CSGALNACT1: variants seen among roughly 807,000 people sequenced by gnomAD.
The protein encoded by CSGALNACT1 is beta4GalNAcT-1.
CSGALNACT1 carries 52 observed loss-of-function variants against 51.0 expected under a neutral mutation model. That is an observed-to-expected ratio of 1.02 (90% CI 0.82 to 1.29). CSGALNACT1 has a LOEUF of 1.29. Ranked by LOEUF, CSGALNACT1 falls within the 50% of genes most tolerant of loss-of-function variation. CSGALNACT1 has a pLI of 0.00. For synonymous variants in CSGALNACT1, 341 were observed against 254.4 expected (o/e 1.34, Z -3.24); for missense variants, 935 against 679.2 (o/e 1.38, Z -4.19).
At chr8:19,613,846 A>C (rs1276294133) in intron 1 of CSGALNACT1, among the ~76,000 whole-genome samples, 1 of 152,112 alleles carries the variant, frequency 6.6e-6, no homozygotes, top group East Asian at 1.9e-4. Context: ...GGCTGTATTT[A>C]TTTTAGGGTG....
At chr8:19,468,429 CAGGTGCAAA>C (rs1586683679) in intron 4 of CSGALNACT1, among the ~76,000 whole-genome samples, 1 of 152,140 alleles carries the variant, frequency 6.6e-6, no homozygotes, top group East Asian at 1.9e-4. Context: ...GTCACCTTCA[CAGGTGCAAA>C]CCTGTCCTAG....
At chr8:19,443,970 C>G (rs2061722703) in intron 5 of CSGALNACT1, among the ~76,000 whole-genome samples, 1 of 152,152 alleles carries the variant, frequency 6.6e-6, no homozygotes, top group Non-Finnish European at 1.5e-5. Context: ...GAACACACAA[C>G]CTAGATCCCT....
At chr8:19,486,065 T>C (rs1383563086) in intron 4 of CSGALNACT1, among the ~76,000 whole-genome samples, 1 of 151,748 alleles carries the variant, frequency 6.6e-6, no homozygotes, top group Non-Finnish European at 1.5e-5. Context: ...CGTACTCAGC[T>C]GCCACTTAAG....
At chr8:19,575,286 G>A (rs994345856) in intron 3 of CSGALNACT1, among the ~76,000 whole-genome samples, 1 of 152,086 alleles carries the variant, frequency 6.6e-6, no homozygotes, top group Non-Finnish European at 1.5e-5. Context: ...TTTTCCTCCT[G>A]GGAAGTTAGC....
exon 4 of CSGALNACT1, chr8:19,505,337 G>T: frequency 6.2e-7 from 1 of 1,614,182 alleles, no homozygotes; most frequent in Non-Finnish European, 8.5e-7. Flanking sequence ...TCTCCTCGGG[G>T]TGGCGGGTAA....
chr8:19,738,858 C>T (rs35174554), intron 1 of CSGALNACT1, among the ~76,000 whole-genome samples: 25,204 of 151,808 alleles, frequency 0.17, 2,223 homozygotes, highest in Middle Eastern at 0.31. Context: ...ATATAAGTAA[C>T]GTTGATAGAA....
intron 2 of CSGALNACT1, among the ~76,000 whole-genome samples, chr8:19,594,815 G>A (rs2048562762): frequency 6.6e-6 from 1 of 151,972 alleles, no homozygotes; most frequent in Non-Finnish European, 1.5e-5. Context: ...GCCTTCCACA[G>A]TGCAGGGATT....
At position 19,499,264 on chromosome 8, in the gene CSGALNACT1, T is replaced by C. The variant is rs561346477; in HGVS notation, c.634+5937A>G. Among the ~76,000 whole-genome samples, 4 of 152,318 alleles carry C rather than the reference T, an allele frequency of 2.6e-5. No individual in the cohort carries two copies. The South Asian group carries it at 8.3e-4, about 32-fold the overall frequency. On this transcript the variant is annotated intron_variant, in intron 4 of 9. Transcript: ENST00000454498. ...AGTCACAAAATCTCCAAGGCTTATC[T>C]CTATCATGGCATTTACCATATGCTG...
intron 1 of CSGALNACT1, among the ~76,000 whole-genome samples, chr8:19,695,165 T>C (rs1488257689): frequency 6.6e-6 from 1 of 152,154 alleles, no homozygotes; most frequent in African/African-American, 2.4e-5. Context: ...ATTCAATATA[T>C]TTTCACAGTG....
chr8:19,550,064 TG>T lies in CSGALNACT1; in HGVS notation c.-297+41095del, dbSNP rs374346617. Among the ~76,000 whole-genome samples, 18 of 152,322 alleles carry T rather than the reference TG, an allele frequency of 1.2e-4. 1 individual carries two copies. The highest frequency in any genetic ancestry group is 4.3e-4 in the African/African-American group (18 of 41,578). On this transcript the variant is annotated intron_variant, in intron 3 of 9. Coordinates refer to ENST00000454498, the Ensembl canonical transcript of CSGALNACT1. ...GGGCACTTAATGTACTCTTTCCACA[TG>T]GAAATTCATATTTTTCAATTCTGTA...
At chr8:19,468,177 G>GTT (rs78846236) in intron 4 of CSGALNACT1, among the ~76,000 whole-genome samples, 21,592 of 151,870 alleles carry the variant, frequency 0.14, 1,612 homozygotes, top group East Asian at 0.16. Flanking sequence ...GATAGCAGAT[G>GTT]TTTTTTTACC....
chr8:19,685,579 TC>T (rs2060927153), upstream of CSGALNACT1, among the ~76,000 whole-genome samples: 2 of 152,218 alleles, frequency 1.3e-5, no homozygotes, highest in African/African-American at 4.8e-5. Context: ...GTTACATGGT[TC>T]TTTAAAAGGA....
chr8:19,746,666 A>C (rs1201353219), intron 1 of CSGALNACT1, among the ~76,000 whole-genome samples: 1 of 152,208 alleles, frequency 6.6e-6, no homozygotes, highest in Non-Finnish European at 1.5e-5. Context: ...TTTGCTAATC[A>C]TTGGTTCTCT....
chr8:19,417,793 C>T (rs562704956), intron 8 of CSGALNACT1, among the ~76,000 whole-genome samples: 99 of 152,298 alleles, frequency 6.5e-4, no homozygotes, highest in African/African-American at 2.3e-3. Context: ...GAAAAAATCA[C>T]AGCCCAACTT....
intron 1 of CSGALNACT1, among the ~76,000 whole-genome samples, chr8:19,636,412 G>A (rs1277406973): frequency 6.6e-6 from 1 of 151,572 alleles, no homozygotes; most frequent in African/African-American, 2.4e-5. Flanking sequence ...TATCCCTTGT[G>A]TTTAAGAGGA....
chr8:19,617,107 C>T (rs1272222489), intron 1 of CSGALNACT1, among the ~76,000 whole-genome samples: 1 of 152,204 alleles, frequency 6.6e-6, no homozygotes, highest in Non-Finnish European at 1.5e-5. Context: ...GACAGATCAT[C>T]AGGCATTACA....
chr8:19,417,889 C>T (rs936831998), intron 8 of CSGALNACT1, among the ~76,000 whole-genome samples: 1 of 152,224 alleles, frequency 6.6e-6, no homozygotes, highest in Admixed American at 6.5e-5. Flanking sequence ...GCCCAGAAGA[C>T]ACAGAGATCC....
At chr8:19,482,813 G>A (rs2071804651) in intron 4 of CSGALNACT1, among the ~76,000 whole-genome samples, 1 of 151,878 alleles carries the variant, frequency 6.6e-6, no homozygotes, top group Non-Finnish European at 1.5e-5. Flanking sequence ...TTTTTATTTT[G>A]AGCTCCAAAC....
chr8:19,419,269 G>C (rs2057476770), intron 7 of CSGALNACT1, among the ~76,000 whole-genome samples: 1 of 152,182 alleles, frequency 6.6e-6, no homozygotes, highest in Non-Finnish European at 1.5e-5. Flanking sequence ...ATGATATTTG[G>C]AATACTGACA....
Sources: gnomAD v4.1 joint callset for allele counts (sites outside exome capture counted in the v4.1 genomes callset) on GRCh38, gnomAD v4.1.1 for gene constraint, MANE v1.5 for transcripts, NCBI Gene and HGNC (gene_info 2026-07-23, HGNC 2026-07-21) for gene names.